The following LINGO2 variants were observed in gnomAD, a reference collection of about 807,000 sequenced individuals.
The protein encoded by LINGO2 is leucine-rich repeat and immunoglobulin-like domain-containing nogo receptor-interacting protein 2.
LINGO2 carries 14 observed loss-of-function variants against 30.6 expected under a neutral mutation model. The observed-to-expected ratio is 0.46, with a 90% CI of 0.30 to 0.72. LINGO2 has a LOEUF of 0.72. Ranked by LOEUF, LINGO2 falls within the 30% of genes least tolerant of loss-of-function variation. The pLI, the probability that LINGO2 is intolerant of heterozygous loss-of-function variation, is 0.07. For missense variants in LINGO2, 729 were observed against 751.7 expected (o/e 0.97, Z 0.35); for synonymous variants, 317 against 288.5 (o/e 1.10, Z -1.00).
the LINGO2 span, among the ~76,000 whole-genome samples, chr9:28,690,537 G>T: frequency 6.6e-6 from 1 of 152,206 alleles, no homozygotes; most frequent in East Asian, 1.9e-4. Flanking sequence ...AGGAAAATTT[G>T]TTGTAGTCAT....
At chr9:28,366,655 C>T (rs998206049) in intron 3 of LINGO2, among the ~76,000 whole-genome samples, 1 of 150,476 alleles carries the variant, frequency 6.6e-6, no homozygotes, top group Admixed American at 6.6e-5. Context: ...GAAAATACAA[C>T]AAATATACAA....
At chr9:28,790,610 A>G in the LINGO2 span, among the ~76,000 whole-genome samples, 1 of 151,978 alleles carries the variant, frequency 6.6e-6, no homozygotes, top group African/African-American at 2.4e-5. Flanking sequence ...CTGGGATTAC[A>G]GGCGTGAGCC....
the LINGO2 span, among the ~76,000 whole-genome samples, chr9:29,030,686 T>C: frequency 2.6e-5 from 4 of 152,198 alleles, no homozygotes; most frequent in Non-Finnish European, 5.9e-5. Flanking sequence ...AATGGTAATA[T>C]TGACAGTGTT....
At chr9:29,205,052 T>C in the LINGO2 span, among the ~76,000 whole-genome samples, 2 of 152,140 alleles carry the variant, frequency 1.3e-5, no homozygotes, top group Non-Finnish European at 2.9e-5. Flanking sequence ...GAGATCACCA[T>C]ATGGTTTTTC....
At chr9:28,340,291 A>G (rs1175782146) in intron 3 of LINGO2, among the ~76,000 whole-genome samples, 1 of 152,160 alleles carries the variant, frequency 6.6e-6, no homozygotes, top group African/African-American at 2.4e-5. Context: ...GCTTTGAAGC[A>G]CAATGTCTCG....
At chr9:29,066,548 T>C in the LINGO2 span, among the ~76,000 whole-genome samples, 2 of 151,902 alleles carry the variant, frequency 1.3e-5, no homozygotes, top group Non-Finnish European at 2.9e-5. Flanking sequence ...CCCTGAATCA[T>C]AAAATCAGAA....
the LINGO2 span, among the ~76,000 whole-genome samples, chr9:29,049,351 G>T: frequency 6.6e-6 from 1 of 152,122 alleles, no homozygotes; most frequent in Non-Finnish European, 1.5e-5. Context: ...GGGAACACTT[G>T]TACACTGTTG....
At chr9:29,074,966 G>A in the LINGO2 span, among the ~76,000 whole-genome samples, 4 of 151,838 alleles carry the variant, frequency 2.6e-5, no homozygotes, top group Admixed American at 2.0e-4. Context: ...GTGAGCCACC[G>A]CGCCAGGCCC....
At chr9:29,112,437 A>C in the LINGO2 span, among the ~76,000 whole-genome samples, 1 of 152,090 alleles carries the variant, frequency 6.6e-6, no homozygotes, top group East Asian at 1.9e-4. Context: ...GTCCTTCCCA[A>C]TCCATGAATA....
At chr9:28,506,321 G>A (rs10968626) in intron 1 of LINGO2, among the ~76,000 whole-genome samples, 65,488 of 148,092 alleles carry the variant, frequency 0.44, 14,744 homozygotes, top group East Asian at 0.52. Context: ...GTAAGAATAA[G>A]TTCTAATGAA....
chr9:28,988,817 G>C, the LINGO2 span, among the ~76,000 whole-genome samples: 1 of 152,178 alleles, frequency 6.6e-6, no homozygotes, highest in South Asian at 2.1e-4. Context: ...CAGTTGAAGT[G>C]ACACCATTCT....
At chr9:29,048,756 A>G in the LINGO2 span, among the ~76,000 whole-genome samples, 295 of 152,318 alleles carry the variant, frequency 1.9e-3, 1 homozygote, top group African/African-American at 6.7e-3. Flanking sequence ...AAAACTGGAA[A>G]TCCATATGCA....
intron 1 of LINGO2, among the ~76,000 whole-genome samples, chr9:28,631,450 C>T (rs900684660): frequency 6.6e-6 from 1 of 151,994 alleles, no homozygotes; most frequent in Non-Finnish European, 1.5e-5. Context: ...GATCCAGTTT[C>T]AGCTTTCTAC....
the LINGO2 span, among the ~76,000 whole-genome samples, chr9:28,700,277 G>A: frequency 4.0e-4 from 61 of 151,908 alleles, no homozygotes; most frequent in Non-Finnish European, 5.2e-4. Flanking sequence ...AGGTTCCCCC[G>A]ATACCACCTA....
chr9:28,957,506 T>A, the LINGO2 span, among the ~76,000 whole-genome samples: 1 of 152,198 alleles, frequency 6.6e-6, no homozygotes, highest in Non-Finnish European at 1.5e-5. Context: ...TCTTAAACTT[T>A]ATGATTTTTG....
the LINGO2 span, among the ~76,000 whole-genome samples, chr9:28,978,528 T>A: frequency 3.3e-4 from 50 of 152,004 alleles, no homozygotes; most frequent in South Asian, 0.01. Flanking sequence ...CTCTAGAGAT[T>A]GCTGACAGGA....
At chr9:28,358,697 G>A (rs1473247363) in intron 3 of LINGO2, among the ~76,000 whole-genome samples, 1 of 152,118 alleles carries the variant, frequency 6.6e-6, no homozygotes, top group Non-Finnish European at 1.5e-5. Context: ...GATGAAGTTG[G>A]TGGTGGCAGT....
intron 1 of LINGO2, among the ~76,000 whole-genome samples, chr9:28,562,252 G>T (rs1356384458): frequency 1.3e-5 from 2 of 151,852 alleles, no homozygotes; most frequent in African/African-American, 2.4e-5. Flanking sequence ...TACAAGTAAG[G>T]AACGATGATT....
At chr9:28,525,743 T>A (rs539165940) in intron 1 of LINGO2, among the ~76,000 whole-genome samples, 88 of 152,196 alleles carry the variant, frequency 5.8e-4, no homozygotes, top group Non-Finnish European at 1.8e-4. Context: ...CACAAAACTC[T>A]AAAAATATGT....
Sources: allele counts gnomAD v4.1 joint callset (sites outside exome capture counted in the v4.1 genomes callset), GRCh38; gene constraint gnomAD v4.1.1; transcripts MANE v1.5; gene names NCBI Gene and HGNC (gene_info 2026-07-23, HGNC 2026-07-21).